Variants in COL24A1 observed in about 807,000 individuals in gnomAD.
COL24A1 encodes collagen type XXIV alpha 1 chain, also known as collagen alpha-1(XXIV) chain.
Under a neutral mutation model 253.9 loss-of-function variants are expected in COL24A1, and 224 were observed. The observed-to-expected ratio is 0.88, with a 90% confidence interval of 0.79 to 0.99. The LOEUF is 0.99. Among genes scored for constraint, COL24A1 ranks in the 50% least tolerant of loss-of-function variants. The probability of loss-of-function intolerance (pLI) is 0.00; values close to 1 mark genes in which losing one functional copy is unlikely to be tolerated. For missense variants in COL24A1, 2,131 were observed against 2,068.5 expected (o/e 1.03, Z -0.59); for synonymous variants, 685 against 673.7 (o/e 1.02, Z -0.26).
intron 1 of COL24A1, chr1:86,155,782 TA>T: frequency 6.5e-6 from 1 of 152,674 alleles, no homozygotes; most frequent in Non-Finnish European, 1.5e-5. Context: ...AGCCCGTGGG[TA>T]AAACAACCCC....
intron 37 of COL24A1, among the ~76,000 whole-genome samples, chr1:85,865,940 A>G (rs565733422): frequency 1.2e-4 from 19 of 152,322 alleles, no homozygotes; most frequent in Admixed American, 1.1e-3. Context: ...TGGTTAACCC[A>G]TGGGTAAGCG....
chr1:85,885,537 A>G (rs1364810277), intron 32 of COL24A1, among the ~76,000 whole-genome samples: 1 of 151,924 alleles, frequency 6.6e-6, no homozygotes, highest in Non-Finnish European at 1.5e-5. Flanking sequence ...ACACTTTACT[A>G]TTGTCAACCT....
At chr1:86,083,974 T>G (rs1429194519) in intron 7 of COL24A1, among the ~76,000 whole-genome samples, 1 of 152,208 alleles carries the variant, frequency 6.6e-6, no homozygotes, top group African/African-American at 2.4e-5. Flanking sequence ...TAAATTTTCT[T>G]TCTCTGCAGT....
At chr1:85,834,217 A>G (rs1675728714) in intron 43 of COL24A1, among the ~76,000 whole-genome samples, 1 of 152,154 alleles carries the variant, frequency 6.6e-6, no homozygotes, top group Non-Finnish European at 1.5e-5. Flanking sequence ...AAGAATCAAA[A>G]GAAGTGGCTG....
At chr1:86,075,055 G>A (rs992493234) in intron 7 of COL24A1, among the ~76,000 whole-genome samples, 1 of 151,846 alleles carries the variant, frequency 6.6e-6, no homozygotes, top group African/African-American at 2.4e-5. Context: ...AAGAACTGAA[G>A]GAGATAGAGA....
Position 85,913,498 on chromosome 1 carries a change from G to C in COL24A1, c.2563-2065C>G, listed in dbSNP as rs12097361. Among the ~76,000 whole-genome samples, 180 of 152,176 alleles carry C rather than the reference G, an allele frequency of 1.2e-3. 1 individual carries two copies. Among genetic ancestry groups the C allele is most frequent in the African/African-American group, 4.1e-3 (171 of 41,512 alleles). On this transcript the variant is annotated intron_variant, in intron 24 of 59. Coordinates refer to ENST00000370571, the MANE Select transcript of COL24A1 (RefSeq NM_152890.7). The stretch of plus-strand genomic sequence containing the variant: ...TTTTGTTTCTGCCCATGCTCTGCTG[G>C]ACTAAAGGTCTTAGTTCCAGAGGGA...
chr1:85,840,463 G>A (rs1381657972), intron 42 of COL24A1, among the ~76,000 whole-genome samples: 1 of 152,082 alleles, frequency 6.6e-6, no homozygotes, highest in Non-Finnish European at 1.5e-5. Flanking sequence ...TCTCCAAAGA[G>A]CCAGGTCAAA....
Position 86,139,114 on chromosome 1 carries a change from A to G in COL24A1, c.121+7005T>C, listed in dbSNP as rs115785897. 2.7e-3 allele frequency among the ~76,000 whole-genome samples: 404 copies of G among 150,458 alleles called. 2 individuals are homozygous for G. Among genetic ancestry groups the G allele is most frequent in the African/African-American group, 9.3e-3 (383 of 41,264 alleles). On this transcript the variant is annotated intron_variant, in intron 2 of 59. Transcript: ENST00000370571. Reference sequence around the variant, plus strand: ...TACTTGCCTTTCATTTGAAACTTGTAGAGTAAGCAGCACTGATGTTGTTAT... The same window carrying G: ...TACTTGCCTTTCATTTGAAACTTGTGGAGTAAGCAGCACTGATGTTGTTAT...
chr1:85,993,967 C>T (rs115806655), intron 19 of COL24A1, among the ~76,000 whole-genome samples: 2,471 of 151,838 alleles, frequency 0.016, 29 homozygotes, highest in Non-Finnish European at 0.024. Flanking sequence ...AAAATTGAAA[C>T]TTTTCTGATA....
intron 12 of COL24A1, among the ~76,000 whole-genome samples, chr1:86,037,145 C>T (rs1273327836): frequency 6.6e-6 from 1 of 152,172 alleles, no homozygotes; most frequent in Non-Finnish European, 1.5e-5. Flanking sequence ...AAAATCTCTT[C>T]AAGTTGTAAA....
At position 85,764,620 on chromosome 1, in the gene COL24A1, T is replaced by G. The variant is rs148626347; in HGVS notation, c.4375-3054A>C. ...GGGCTCTGGTTTTGTCTTTGTAACT[T>G]AATTTGCTATATGGTCTTAAGTGAA... On this transcript the variant is annotated intron_variant, in intron 53 of 59. Coordinates refer to ENST00000370571, the MANE Select transcript of COL24A1 (RefSeq NM_152890.7). 3.8e-4 allele frequency among the ~76,000 whole-genome samples: 58 copies of G among 152,234 alleles called. No individual in the cohort carries two copies. In the East Asian group the frequency reaches 9.5e-3, roughly 25 times the overall value.
intron 58 of COL24A1, 21 bp downstream of exon 58, chr1:85,737,375 T>C (rs1034580726): frequency 1.3e-6 from 2 of 1,510,006 alleles, no homozygotes; most frequent in Non-Finnish European, 1.8e-6. Flanking sequence ...ACGACATGTG[T>C]TCTAAAATTC....
At chr1:85,857,185 C>A (rs1453398856) in intron 37 of COL24A1, among the ~76,000 whole-genome samples, 2 of 151,994 alleles carry the variant, frequency 1.3e-5, no homozygotes, top group African/African-American at 4.8e-5. Flanking sequence ...GGTTACTCAA[C>A]AACAAAGTCA....
chr1:85,786,433 C>A lies in COL24A1; in HGVS notation c.3980G>T (p.Gly1327Val). The A allele has an allele frequency of 6.2e-7, 1 of 1,613,710 alleles. No individual in the cohort carries two copies. The highest frequency in any genetic ancestry group is 8.5e-7 in the Non-Finnish European group (1 of 1,179,810). ...PGIRGGPGRT[G>V]LAGAPGPPGV... ...TGGAGGACCTGGAGCCCCAGCAAGA[C>A]CTGTTCTTCCTGGGCCGCCTCTGAT... is the stretch of plus-strand genomic sequence containing the variant. Residue 1327 changes from glycine to valine, a missense_variant, in exon 48 of 60, where the codon GGT becomes GTT. Physicochemically the swap from Gly to Val is moderately radical, Grantham distance 109. Coordinates refer to ENST00000370571, the MANE Select transcript of COL24A1 (RefSeq NM_152890.7).
chr1:86,098,828 C>T (rs772929916), intron 5 of COL24A1, among the ~76,000 whole-genome samples: 16 of 152,046 alleles, frequency 1.1e-4, no homozygotes, highest in African/African-American at 2.4e-4. Context: ...ATTCAAAGGA[C>T]GTAACAGAAT....
At chr1:86,035,654 A>G (rs975087767) in intron 12 of COL24A1, among the ~76,000 whole-genome samples, 1 of 152,130 alleles carries the variant, frequency 6.6e-6, no homozygotes, top group African/African-American at 2.4e-5. Flanking sequence ...AGATACTGTG[A>G]TGGCTGCACA....
chr1:86,056,679 C>T (rs1017122329), intron 10 of COL24A1, among the ~76,000 whole-genome samples: 14 of 151,810 alleles, frequency 9.2e-5, no homozygotes, highest in Admixed American at 9.2e-4. Flanking sequence ...CATGGTGAAA[C>T]CCTGTCTCTA....
At chr1:86,128,745 T>TA (rs1420153275) in intron 2 of COL24A1, among the ~76,000 whole-genome samples, 2 of 152,006 alleles carry the variant, frequency 1.3e-5, no homozygotes, top group African/African-American at 4.8e-5. Flanking sequence ...AGCTGTTTTT[T>TA]AAAAATCAAA....
chr1:85,817,943 G>A (rs1673213265), intron 46 of COL24A1, 91 bp downstream of exon 46: 10 of 995,614 alleles, frequency 1.0e-5, no homozygotes, highest in African/African-American at 1.6e-5. Flanking sequence ...TATCCAACAT[G>A]ATGACACAAT....
Sources: allele counts gnomAD v4.1 joint callset (sites outside exome capture counted in the v4.1 genomes callset), GRCh38; gene constraint gnomAD v4.1.1; transcripts MANE v1.5; gene names NCBI Gene and HGNC (gene_info 2026-07-23, HGNC 2026-07-21).